Variants in TNFSF4 observed in about 807,000 individuals in gnomAD.
TNFSF4 encodes TNF superfamily member 4, also known as tumor necrosis factor ligand superfamily member 4.
Under a neutral mutation model 7.3 loss-of-function variants are expected in TNFSF4, and 4 were observed. The observed-to-expected ratio is 0.55, with a 90% CI of 0.27 to 1.25. The LOEUF (loss-of-function observed/expected upper bound fraction) is 1.25. Among genes scored for constraint, TNFSF4 ranks in the 50% most tolerant of loss-of-function variants. The probability of loss-of-function intolerance (pLI) is 0.12; values close to 1 mark genes in which losing one functional copy is unlikely to be tolerated. For missense variants in TNFSF4, 181 were observed against 208.8 expected (o/e 0.87, Z 0.82); for synonymous variants, 76 against 83.7 (o/e 0.91, Z 0.50).
chr1:173,402,676 G>A, the TNFSF4 span, among the ~76,000 whole-genome samples: 1 of 152,146 alleles, frequency 6.6e-6, no homozygotes, highest in East Asian at 1.9e-4. Context: ...GCTCCTTGAT[G>A]ACCCCATCAT....
the TNFSF4 span, among the ~76,000 whole-genome samples, chr1:173,308,093 C>T: frequency 6.6e-6 from 1 of 151,808 alleles, no homozygotes; most frequent in African/African-American, 2.4e-5. Flanking sequence ...TATACAAATT[C>T]TTTATTCTAA....
chr1:173,181,619 A>G (rs990174308), downstream of TNFSF4, among the ~76,000 whole-genome samples: 2 of 152,144 alleles, frequency 1.3e-5, no homozygotes, highest in Non-Finnish European at 2.9e-5. Context: ...CTGAGCGCTC[A>G]ATCTCCTCTT....
chr1:173,384,224 G>A, the TNFSF4 span, among the ~76,000 whole-genome samples: 4 of 152,308 alleles, frequency 2.6e-5, no homozygotes, highest in East Asian at 7.7e-4. Flanking sequence ...TCACATTTTA[G>A]AAGGGGGAGA....
At chr1:173,434,995 T>C in the TNFSF4 span, among the ~76,000 whole-genome samples, 1 of 152,196 alleles carries the variant, frequency 6.6e-6, no homozygotes, top group Non-Finnish European at 1.5e-5. Context: ...TGAATAATAC[T>C]GAGGTTCCAC....
chr1:173,283,050 C>G, the TNFSF4 span, among the ~76,000 whole-genome samples: 1 of 152,170 alleles, frequency 6.6e-6, no homozygotes, highest in African/African-American at 2.4e-5. Flanking sequence ...GCTATACTGA[C>G]AGCTACCTTC....
At chr1:173,288,486 T>C in the TNFSF4 span, among the ~76,000 whole-genome samples, 1 of 152,032 alleles carries the variant, frequency 6.6e-6, no homozygotes, top group Non-Finnish European at 1.5e-5. Flanking sequence ...TTAGCAAAGA[T>C]ATAAAAAATT....
At chr1:173,326,485 C>T in the TNFSF4 span, among the ~76,000 whole-genome samples, 1 of 152,054 alleles carries the variant, frequency 6.6e-6, no homozygotes, top group African/African-American at 2.4e-5. Flanking sequence ...CTCACCACTC[C>T]TATTCAACAT....
chr1:173,177,337 C>A, the TNFSF4 span, among the ~76,000 whole-genome samples: 15 of 152,256 alleles, frequency 9.9e-5, no homozygotes, highest in Admixed American at 7.9e-4. Flanking sequence ...CAAACTAATG[C>A]AGGAACAGAA....
At chr1:173,325,427 T>C in the TNFSF4 span, among the ~76,000 whole-genome samples, 1 of 152,064 alleles carries the variant, frequency 6.6e-6, no homozygotes, top group African/African-American at 2.4e-5. Flanking sequence ...AGATCTAAAA[T>C]TGACACCCTA....
At chr1:173,396,308 G>A in the TNFSF4 span, among the ~76,000 whole-genome samples, 7 of 152,278 alleles carry the variant, frequency 4.6e-5, no homozygotes, top group Admixed American at 6.5e-5. Flanking sequence ...CCAGGAATGC[G>A]AGACCAGGCT....
chr1:173,381,688 G>A, the TNFSF4 span, among the ~76,000 whole-genome samples: 2 of 152,318 alleles, frequency 1.3e-5, no homozygotes, highest in East Asian at 3.9e-4. Flanking sequence ...TATCCAGCAG[G>A]AAGTAGCTAC....
chr1:173,357,634 C>A, the TNFSF4 span, among the ~76,000 whole-genome samples: 1 of 151,990 alleles, frequency 6.6e-6, no homozygotes, highest in South Asian at 2.1e-4. Flanking sequence ...TGGGTTCAAG[C>A]GATTCTCCTG....
the TNFSF4 span, among the ~76,000 whole-genome samples, chr1:173,286,890 G>A: frequency 6.6e-6 from 1 of 151,928 alleles, no homozygotes; most frequent in Non-Finnish European, 1.5e-5. Context: ...TTATAAATTG[G>A]TATGGAAAAG....
At chr1:173,369,623 T>C in the TNFSF4 span, among the ~76,000 whole-genome samples, 2 of 152,160 alleles carry the variant, frequency 1.3e-5, no homozygotes, top group Admixed American at 1.3e-4. Flanking sequence ...AGGCTCACCC[T>C]TGAAATGCAT....
chr1:173,336,476 G>A, the TNFSF4 span, among the ~76,000 whole-genome samples: 1 of 152,136 alleles, frequency 6.6e-6, no homozygotes, highest in Non-Finnish European at 1.5e-5. Flanking sequence ...TGAGGCAAAT[G>A]CCTTTTTCTC....
At chr1:173,370,788 C>CTGCAG in the TNFSF4 span, among the ~76,000 whole-genome samples, 1 of 151,942 alleles carries the variant, frequency 6.6e-6, no homozygotes, top group East Asian at 1.9e-4. Context: ...CAGAGAAAGG[C>CTGCAG]CCTTAGTCAT....
chr1:173,351,803 A>G, the TNFSF4 span: 1 of 604,664 alleles, frequency 1.7e-6, no homozygotes, highest in Admixed American at 2.0e-5. Context: ...ACAGGAAGAA[A>G]TATGTCATCT....
chr1:173,379,575 G>A, the TNFSF4 span, among the ~76,000 whole-genome samples: 2 of 152,140 alleles, frequency 1.3e-5, no homozygotes, highest in African/African-American at 4.8e-5. Context: ...TCAGGAGAAA[G>A]CTCCAAAAGC....
chr1:173,235,111 G>A, the TNFSF4 span, among the ~76,000 whole-genome samples: 1 of 152,056 alleles, frequency 6.6e-6, no homozygotes, highest in Non-Finnish European at 1.5e-5. Flanking sequence ...CAACTTTATT[G>A]TTCAGAGAAG....
Sources: gnomAD v4.1 joint callset for allele counts (sites outside exome capture counted in the v4.1 genomes callset) on GRCh38, gnomAD v4.1.1 for gene constraint, MANE v1.5 for transcripts, NCBI Gene and HGNC (gene_info 2026-07-23, HGNC 2026-07-21) for gene names.